AEBP2: variants seen among roughly 807,000 people sequenced by gnomAD.
AEBP2 encodes AE binding protein 2, also known as zinc finger protein AEBP2.
Under a neutral mutation model 50.8 loss-of-function variants are expected in AEBP2, and 10 were observed. The observed-to-expected ratio is 0.20, with a 90% CI of 0.12 to 0.33. The LOEUF is 0.33. Ranked by LOEUF, AEBP2 falls within the 10% of genes least tolerant of loss-of-function variation. The probability of loss-of-function intolerance (pLI) is 1.00; values close to 1 mark genes in which losing one functional copy is unlikely to be tolerated. For missense variants in AEBP2, 570 were observed against 688.0 expected, an observed-to-expected ratio of 0.83 and a Z score of 1.92; for synonymous variants, 296 against 261.3, an observed-to-expected ratio of 1.13 and a Z score of -1.28.
chr12:19,405,822 T>C (rs941252117), intron 1 of AEBP2, among the ~76,000 whole-genome samples: 1 of 151,808 alleles, frequency 6.6e-6, no homozygotes, highest in African/African-American at 2.4e-5. Flanking sequence ...TTATCTTTTT[T>C]TTTGAGATGG....
chr12:19,420,021 G>GTTT (rs569003269), intron 1 of AEBP2, among the ~76,000 whole-genome samples: 10 of 128,868 alleles, frequency 7.8e-5, no homozygotes, highest in African/African-American at 1.1e-4. Flanking sequence ...TGCATTAATA[G>GTTT]TTTTTTTTTT....
intron 5 of AEBP2, among the ~76,000 whole-genome samples, chr12:19,501,127 C>G (rs200333513): frequency 1.3e-5 from 2 of 152,016 alleles, no homozygotes; most frequent in Non-Finnish European, 2.9e-5. Context: ...GCCAGGAGTT[C>G]GAGACCAGCC....
At chr12:19,417,430 A>T (rs1481694207) in intron 1 of AEBP2, among the ~76,000 whole-genome samples, 1 of 151,570 alleles carries the variant, frequency 6.6e-6, no homozygotes, top group Non-Finnish European at 1.5e-5. Context: ...TTATTGAGAC[A>T]GAGTCTCACT....
At chr12:19,481,361 C>T in intron 3 of AEBP2, among the ~76,000 whole-genome samples, 1 of 152,170 alleles carries the variant, frequency 6.6e-6, no homozygotes, top group African/African-American at 2.4e-5. Context: ...CCTCTGCCTC[C>T]CAGAGTGCTG....
chr12:19,411,270 T>G (rs1234687306), intron 1 of AEBP2, among the ~76,000 whole-genome samples: 1 of 152,186 alleles, frequency 6.6e-6, no homozygotes, highest in Non-Finnish European at 1.5e-5. Flanking sequence ...TTAGCTGGAG[T>G]GTTAGAACAA....
intron 3 of AEBP2, among the ~76,000 whole-genome samples, chr12:19,480,963 C>T (rs906840898): frequency 2.6e-5 from 4 of 151,884 alleles, no homozygotes; most frequent in Admixed American, 2.0e-4. Flanking sequence ...TCCCACATTT[C>T]GTGGAGACTT....
In AEBP2 at chr12:19,481,092, CTTTTTTTT is replaced by C. The variant is rs71067027; in HGVS notation, c.987+7756_987+7763del. On this transcript the variant is annotated intron_variant, in intron 3 of 7. Coordinates refer to ENST00000266508, the MANE Select transcript of AEBP2 (RefSeq NM_153207.5). ...TGTTATTGAAACTTTGCAGTGCATC[CTTTTTTTT>C]TTTTTTTTTTTTTTTTTTGAGACCG... Among the ~76,000 whole-genome samples the C allele has an allele frequency of 1.4e-3, 105 of 74,040 alleles. 1 individual carries two copies. Among genetic ancestry groups the C allele is most frequent in the Admixed American group, 1.8e-3 (9 of 5,054 alleles). The allele number at this position is 74,040 out of a possible 152,430, so 48.6% of individuals were successfully genotyped here.
chr12:19,407,900 A>G (rs965955878), intron 1 of AEBP2, among the ~76,000 whole-genome samples: 13 of 151,918 alleles, frequency 8.6e-5, no homozygotes, highest in Admixed American at 3.3e-4. Flanking sequence ...AATACAAAAA[A>G]CTTATCCCGG....
At chr12:19,502,127 T>A (rs1251434797) in intron 5 of AEBP2, among the ~76,000 whole-genome samples, 3 of 152,132 alleles carry the variant, frequency 2.0e-5, no homozygotes, top group African/African-American at 7.2e-5. Context: ...GTTTTCCTGT[T>A]ATTTGTACCT....
At chr12:19,417,438 AC>A (rs1466295579) in intron 1 of AEBP2, among the ~76,000 whole-genome samples, 2 of 150,750 alleles carry the variant, frequency 1.3e-5, no homozygotes, top group Non-Finnish European at 3.0e-5. Flanking sequence ...ACAGAGTCTC[AC>A]TCTGTCACCC....
rs746767904 is a variant in AEBP2, at chr12:19,439,807, C to CGAG, written c.120_122dup (p.Glu48dup). On this transcript the variant is annotated inframe_insertion, in exon 1 of 8. Transcript: ENST00000266508. Reference sequence around the variant, plus strand: ...CGGCGCGGGGCCGGGCTGAGCCCCCCGAGGAGGAGGAGGAAGAGGAGGAGG... The same window carrying CGAG: ...CGGCGCGGGGCCGGGCTGAGCCCCCCGAGGAGGAGGAGGAGGAAGAGGAGGAGG... 2.6e-5 allele frequency: 40 copies of CGAG among 1,510,486 alleles called. No homozygotes were observed. Among genetic ancestry groups the CGAG allele is most frequent in the Non-Finnish European group, 3.1e-5 (35 of 1,136,740 alleles). The allele number at this position is 1,510,486 out of a possible 1,614,324, so 93.6% of individuals were successfully genotyped here. A position where few individuals can be genotyped will look rare whatever the true frequency, so the allele number is the denominator to read the frequency against.
intron 2 of AEBP2, 100 bp downstream of exon 2, chr12:19,462,817 T>C: frequency 9.3e-7 from 1 of 1,076,756 alleles, no homozygotes; most frequent in Non-Finnish European, 1.3e-6. Context: ...TTTGGGATTA[T>C]TTTTACACAG....
At chr12:19,425,540 T>G (rs2095748085) in intron 1 of AEBP2, among the ~76,000 whole-genome samples, 1 of 151,696 alleles carries the variant, frequency 6.6e-6, no homozygotes, top group South Asian at 2.1e-4. Flanking sequence ...GCAAGCTGGG[T>G]GGATCACCTG....
At chr12:19,491,841 T>C (rs904961341) in intron 3 of AEBP2, among the ~76,000 whole-genome samples, 3 of 152,076 alleles carry the variant, frequency 2.0e-5, no homozygotes, top group African/African-American at 7.2e-5. Context: ...GTGTTCAAAA[T>C]GGAAAGTGTG....
intron 3 of AEBP2, among the ~76,000 whole-genome samples, chr12:19,482,183 G>A (rs572520682): frequency 4.6e-5 from 7 of 152,184 alleles, no homozygotes; most frequent in African/African-American, 1.7e-4. Context: ...TCTTCTGAGT[G>A]TAGCCATCCA....
At chr12:19,515,210 G>A (rs1178187805) in intron 7 of AEBP2, among the ~76,000 whole-genome samples, 4 of 151,976 alleles carry the variant, frequency 2.6e-5, no homozygotes, top group African/African-American at 9.7e-5. Context: ...AATATTATTT[G>A]TTTTTTAAGA....
intron 1 of AEBP2, chr12:19,457,695 A>C: frequency 8.5e-7 from 1 of 1,176,398 alleles, no homozygotes; most frequent in Non-Finnish European, 1.1e-6. Flanking sequence ...TCTGGCGGCA[A>C]ACCCATTGTG....
At chr12:19,486,630 C>A (rs928262055) in intron 3 of AEBP2, among the ~76,000 whole-genome samples, 2 of 152,024 alleles carry the variant, frequency 1.3e-5, no homozygotes, top group Non-Finnish European at 2.9e-5. Flanking sequence ...CGATCCTCCC[C>A]CTGTGACCTC....
intron 1 of AEBP2, among the ~76,000 whole-genome samples, chr12:19,446,302 C>T (rs888681915): frequency 9.9e-5 from 15 of 152,034 alleles, no homozygotes; most frequent in Admixed American, 2.0e-4. Flanking sequence ...CTGTAAATTG[C>T]GACATGGTGC....
Sources: gnomAD v4.1 joint callset for allele counts (sites outside exome capture counted in the v4.1 genomes callset) on GRCh38, gnomAD v4.1.1 for gene constraint, MANE v1.5 for transcripts, NCBI Gene and HGNC (gene_info 2026-07-23, HGNC 2026-07-21) for gene names.